Variants in TSKS observed in about 807,000 individuals in gnomAD.
TSKS encodes testis specific serine kinase substrate.
In TSKS, 27 loss-of-function variants were observed where a neutral mutation model predicts 68.0. That is an observed-to-expected ratio of 0.40 (90% CI 0.29 to 0.55). The LOEUF (loss-of-function observed/expected upper bound fraction) is 0.55, where lower values mean the gene tolerates loss of function less well. TSKS is among the 20% of genes least tolerant of loss of function. The pLI, the probability that TSKS is intolerant of heterozygous loss-of-function variation, is 0.53. For missense variants in TSKS, 806 were observed against 776.0 expected (o/e 1.04, Z -0.46); for synonymous variants, 331 against 340.4 (o/e 0.97, Z 0.30).
intron 2 of TSKS, among the ~76,000 whole-genome samples, chr19:49,755,718 G>C (rs146816392): frequency 1.1e-3 from 175 of 152,248 alleles, no homozygotes; most frequent in African/African-American, 4.0e-3. Flanking sequence ...AAATGGGCCA[G>C]GTGGCTGGGC....
intron 2 of TSKS, among the ~76,000 whole-genome samples, chr19:49,752,887 C>A (rs1206968344): frequency 1.3e-5 from 2 of 152,186 alleles, no homozygotes; most frequent in African/African-American, 4.8e-5. Flanking sequence ...CCTTGAAACG[C>A]TGCACAAGCA....
rs538356206 is a variant in TSKS, at chr19:49,740,197, C to T, written c.1498-14G>A. On this transcript the variant is annotated splice_polypyrimidine_tract_variant and intron_variant, in intron 9 of 10. Coordinates refer to ENST00000246801, the MANE Select transcript of TSKS (RefSeq NM_021733.2). ...GCGCTCCAGCTCCTGGGGAGAGGAGCGTAGGCGTAGCTGGGCTTGCTGGAC... is the reference window on the plus strand; with the variant it reads ...GCGCTCCAGCTCCTGGGGAGAGGAGTGTAGGCGTAGCTGGGCTTGCTGGAC... 3.1e-6 allele frequency: 5 copies of T among 1,605,562 alleles called. No homozygotes were observed. The highest frequency in any genetic ancestry group is 2.2e-5 in the East Asian group (1 of 44,740).
At chr19:49,741,707 C>A (rs186676962) in intron 9 of TSKS, among the ~76,000 whole-genome samples, 178 bp downstream of exon 9, 65 of 152,274 alleles carry the variant, frequency 4.3e-4, no homozygotes, top group Admixed American at 4.1e-3. Context: ...CACTCACCAC[C>A]AAACTGCTTG....
At chr19:49,750,964 T>G (rs2084345098) in intron 2 of TSKS, among the ~76,000 whole-genome samples, 1 of 151,896 alleles carries the variant, frequency 6.6e-6, no homozygotes, top group South Asian at 2.1e-4. Flanking sequence ...GGGGAAGAAG[T>G]GGAATAAGAA....
chr19:49,755,455 G>C (rs2084385225), intron 2 of TSKS, among the ~76,000 whole-genome samples: 1 of 152,186 alleles, frequency 6.6e-6, no homozygotes, highest in African/African-American at 2.4e-5. Flanking sequence ...AGGACTTTGG[G>C]AGGCTGAGGA....
At chr19:49,755,661 G>C (rs527815772) in intron 2 of TSKS, among the ~76,000 whole-genome samples, 1 of 152,010 alleles carries the variant, frequency 6.6e-6, no homozygotes, top group Non-Finnish European at 1.5e-5. Flanking sequence ...TAACACCTGC[G>C]TCTCTAAAAA....
chr19:49,742,781 G>A (rs986913496), intron 8 of TSKS, among the ~76,000 whole-genome samples: 3 of 152,068 alleles, frequency 2.0e-5, no homozygotes, highest in Admixed American at 1.3e-4. Flanking sequence ...ACAGGCGTAA[G>A]CCACCACGCC....
At chr19:49,751,371 C>T (rs1250722176) in intron 2 of TSKS, among the ~76,000 whole-genome samples, 1 of 120,800 alleles carries the variant, frequency 8.3e-6, no homozygotes, top group Non-Finnish European at 1.8e-5. Context: ...AAAAAACTAA[C>T]AAAAACCATA....
At chr19:49,749,186 T>C (rs1276883289) in intron 2 of TSKS, among the ~76,000 whole-genome samples, 1 of 152,218 alleles carries the variant, frequency 6.6e-6, no homozygotes, top group Admixed American at 6.5e-5. Context: ...ACACTTGCTA[T>C]GCACCAAGCA....
rs1000493988 is a variant in TSKS, at chr19:49,752,068, T to C, written c.400-3599A>G. ...CAGTCTGGATGACACTGAGATCCTG[T>C]CTCAAAAACAACAACAAAAAAATGT... is the stretch of plus-strand genomic sequence containing the variant. On this transcript the variant is annotated intron_variant, in intron 2 of 10. Coordinates refer to ENST00000246801, the MANE Select transcript of TSKS (RefSeq NM_021733.2). Among the ~76,000 whole-genome samples the C allele has an allele frequency of 6.0e-5, 9 of 150,152 alleles. No individual in the cohort carries two copies. The South Asian group carries it at 1.5e-3, about 25-fold the overall frequency.
Position 49,739,940 on chromosome 19 carries a change from G to T in TSKS, c.1623-8C>A, listed in dbSNP as rs116781431. On this transcript the variant is annotated splice_region_variant and splice_polypyrimidine_tract_variant and intron_variant, in intron 10 of 10. Transcript: ENST00000246801. The stretch of plus-strand genomic sequence containing the variant: ...AGAGTGGCCATCTTCTCCCTGTCAT[G>T]AGGCAGCGGGGAGTTGATGGCGGCA... 8.3e-4 allele frequency: 1,335 copies of T among 1,609,784 alleles called. 11 individuals are homozygous for T. The African/African-American group carries it at 0.016, about 19-fold the overall frequency.
chr19:49,753,720 A>G (rs1470214220), intron 2 of TSKS, among the ~76,000 whole-genome samples: 1 of 149,838 alleles, frequency 6.7e-6, no homozygotes, highest in Non-Finnish European at 1.5e-5. Flanking sequence ...GCCACTGTAC[A>G]GTGGCCTGGG....
intron 2 of TSKS, among the ~76,000 whole-genome samples, chr19:49,759,589 T>G (rs1246050679): frequency 6.7e-6 from 1 of 150,286 alleles, no homozygotes; most frequent in South Asian, 2.1e-4. Context: ...TGAGCCAAGA[T>G]TGTGCCTGGA....
At chr19:49,752,642 A>T (rs1290442232) in intron 2 of TSKS, among the ~76,000 whole-genome samples, 1 of 152,146 alleles carries the variant, frequency 6.6e-6, no homozygotes, top group African/African-American at 2.4e-5. Context: ...AGAAAAAAAA[A>T]TTTTACGCTT....
chr19:49,745,139 C>T (rs913668599), intron 7 of TSKS, 63 bp downstream of exon 7: 1 of 1,462,740 alleles, frequency 6.8e-7, no homozygotes, highest in Non-Finnish European at 9.1e-7. Context: ...CTCAAGACCC[C>T]GCCCTCAGGT....
chr19:49,754,156 G>A (rs925227277), intron 2 of TSKS, among the ~76,000 whole-genome samples: 3 of 151,092 alleles, frequency 2.0e-5, no homozygotes, highest in Non-Finnish European at 4.4e-5. Context: ...AAAGTGCTGA[G>A]ATTACAGGCG....
At chr19:49,759,137 A>C (rs1468655655) in intron 2 of TSKS, among the ~76,000 whole-genome samples, 1 of 151,336 alleles carries the variant, frequency 6.6e-6, no homozygotes, top group African/African-American at 2.4e-5. Flanking sequence ...GATTACAGGC[A>C]TGAGCCACGA....
rs1398668429 is a variant in TSKS at position 49,745,322 on chromosome 19, C to A, written c.1067G>T (p.Gly356Val). The change falls in exon 7 of 11, where the codon GGG becomes GTG. Residue 356 changes from glycine to valine, a missense_variant. Physicochemically the swap from Gly to Val is moderately radical, Grantham distance 109. Coordinates refer to ENST00000246801, the MANE Select transcript of TSKS (RefSeq NM_021733.2). ...GAVQEALRLL[G>V]GLGGRVDGFL... ...GCCGTCGACCCTGCCGCCCAGGCCC[C>A]CGAGCAGCCGCAGGGCTTCCTGCAC... 6.2e-7 allele frequency: 1 copy of A among 1,602,654 alleles called. No individual in the cohort carries two copies. Among genetic ancestry groups the A allele is most frequent in the Admixed American group, 1.7e-5 (1 of 59,668 alleles).
At position 49,741,968 on chromosome 19, in the gene TSKS, G is replaced by A. The variant is rs1346554429; in HGVS notation, c.1414C>T (p.Leu472=). 1.9e-6 allele frequency: 3 copies of A among 1,614,196 alleles called. No homozygotes were observed. Among genetic ancestry groups the A allele is most frequent in the Admixed American group, 3.3e-5 (2 of 60,024 alleles). ...TTCACCTCGTCCACTAGTGAGGTCA[G>A]TGCTCGGTCCAGCAGCTGCTGCAGG... ...ESLQQLLDRA[L]TSLVDEVKQR... The change falls in exon 9 of 11, where the codon CTG becomes TTG. Residue 472 remains leucine (L), a synonymous_variant. Coordinates refer to ENST00000246801, the MANE Select transcript of TSKS (RefSeq NM_021733.2).
Sources: allele counts gnomAD v4.1 joint callset (sites outside exome capture counted in the v4.1 genomes callset), GRCh38; gene constraint gnomAD v4.1.1; transcripts MANE v1.5; gene names NCBI Gene and HGNC (gene_info 2026-07-23, HGNC 2026-07-21).